The following GLIS3 variants were observed in gnomAD, a reference collection of about 807,000 sequenced individuals.
GLIS3 encodes the protein GLIS family zinc finger 3, also known as zinc finger protein GLIS3.
GLIS3 carries 53 observed loss-of-function variants against 78.6 expected under a neutral mutation model. The ratio of observed to expected loss-of-function variants is 0.67; its 90% confidence interval spans 0.54 to 0.85. The LOEUF is 0.85. GLIS3 is among the 40% of genes least tolerant of loss of function. The probability of loss-of-function intolerance (pLI) is 0.00; values close to 1 mark genes in which losing one functional copy is unlikely to be tolerated. For missense variants in GLIS3, 1,703 were observed against 1,231.1 expected (o/e 1.38, Z -5.74); for synonymous variants, 684 against 509.9 (o/e 1.34, Z -4.60).
At chr9:3,911,975 C>A (rs909236951) in intron 6 of GLIS3, among the ~76,000 whole-genome samples, 7 of 151,978 alleles carry the variant, frequency 4.6e-5, no homozygotes, top group African/African-American at 1.7e-4. Flanking sequence ...CATAGTGTGG[C>A]GACATGGCAA....
intron 4 of GLIS3, among the ~76,000 whole-genome samples, chr9:4,306,598 C>T (rs1817234457): frequency 1.3e-5 from 2 of 152,150 alleles, no homozygotes; most frequent in African/African-American, 2.4e-5. Flanking sequence ...GGATTTTTCT[C>T]ATTCCTAGAT....
intron 4 of GLIS3, among the ~76,000 whole-genome samples, chr9:4,032,091 C>A (rs1032539712): frequency 2.0e-5 from 3 of 152,138 alleles, no homozygotes; most frequent in Non-Finnish European, 1.5e-5. Flanking sequence ...CCCTGCAGAG[C>A]AAGGGACACC....
rs201634584 is a variant in GLIS3, at chr9:3,937,169, G to C, written c.1731C>G (p.Ala577=). 15 of 1,614,124 alleles carry C rather than the reference G, an allele frequency of 9.3e-6. No individual in the cohort carries two copies. The East Asian group carries it at 3.3e-4, about 36-fold the overall frequency. ...NKCTFEGCEK[A]FSRLENLKIH... Reference sequence around the variant, plus strand: ...TCTTGAGATTTTCAAGCCTTGAAAAGGCCTTCTCGCAACCTTCAAACTGCA... The same window carrying C: ...TCTTGAGATTTTCAAGCCTTGAAAACGCCTTCTCGCAACCTTCAAACTGCA... The change falls in exon 5 of 11, where the codon GCC becomes GCG. Residue 577 remains alanine (A), a synonymous_variant. Coordinates refer to ENST00000381971, the MANE Select transcript of GLIS3 (RefSeq NM_001042413.2).
At chr9:4,223,702 C>T (rs769963981) in intron 2 of GLIS3, among the ~76,000 whole-genome samples, 1 of 152,122 alleles carries the variant, frequency 6.6e-6, no homozygotes, top group Non-Finnish European at 1.5e-5. Flanking sequence ...GGCTTCTGGC[C>T]AATATTTTTA....
chr9:3,899,415 A>G (rs575944096), intron 6 of GLIS3, among the ~76,000 whole-genome samples: 3 of 126,602 alleles, frequency 2.4e-5, no homozygotes, highest in South Asian at 5.9e-4. Flanking sequence ...TATACATTAA[A>G]GAGTTACATG....
intron 2 of GLIS3, among the ~76,000 whole-genome samples, chr9:4,161,564 A>T (rs1435748772): frequency 6.6e-6 from 1 of 152,022 alleles, no homozygotes; most frequent in African/African-American, 2.4e-5. Flanking sequence ...TAAGAAGCAG[A>T]TACTTCACTT....
intron 4 of GLIS3, among the ~76,000 whole-genome samples, chr9:4,020,528 T>G (rs1822802000): frequency 6.6e-6 from 1 of 152,194 alleles, no homozygotes; most frequent in South Asian, 2.1e-4. Context: ...GATGTGTTTT[T>G]CATCCTTTCA....
chr9:3,924,888 A>C (rs1328738085), intron 6 of GLIS3, among the ~76,000 whole-genome samples: 5 of 152,182 alleles, frequency 3.3e-5, no homozygotes, highest in Admixed American at 1.3e-4. Flanking sequence ...AGGGAATAAG[A>C]AGCTTAGAAG....
chr9:3,953,582 A>G (rs1417326965), intron 4 of GLIS3, among the ~76,000 whole-genome samples: 1 of 152,160 alleles, frequency 6.6e-6, no homozygotes, highest in Non-Finnish European at 1.5e-5. Flanking sequence ...ATATCTGAAT[A>G]TTTCTTTGTA....
chr9:4,418,996 A>G, the GLIS3 span, among the ~76,000 whole-genome samples: 2 of 152,212 alleles, frequency 1.3e-5, no homozygotes, highest in South Asian at 4.1e-4. Context: ...GAATTGCTGA[A>G]TCTTTTGGAA....
intron 2 of GLIS3, among the ~76,000 whole-genome samples, chr9:4,127,213 T>TA (rs1475439324): frequency 6.6e-6 from 1 of 152,152 alleles, no homozygotes; most frequent in East Asian, 1.9e-4. Context: ...ATCCAAGTGG[T>TA]AATTGACCTG....
At chr9:4,433,474 G>A in the GLIS3 span, among the ~76,000 whole-genome samples, 1 of 152,096 alleles carries the variant, frequency 6.6e-6, no homozygotes, top group Non-Finnish European at 1.5e-5. Context: ...AGCTTTCATA[G>A]GAGAAGTTTC....
intron 2 of GLIS3, among the ~76,000 whole-genome samples, chr9:4,241,084 C>T (rs1374938460): frequency 6.6e-6 from 1 of 152,138 alleles, no homozygotes; most frequent in Non-Finnish European, 1.5e-5. Context: ...CCCAACTGGA[C>T]AAACCACCTT....
At chr9:3,928,697 T>G (rs994165938) in intron 6 of GLIS3, among the ~76,000 whole-genome samples, 3 of 152,230 alleles carry the variant, frequency 2.0e-5, no homozygotes, top group African/African-American at 7.2e-5. Context: ...TAAATGTGTG[T>G]TGCATTCGCG....
At chr9:3,994,306 A>G (rs888082444) in intron 4 of GLIS3, among the ~76,000 whole-genome samples, 4 of 152,232 alleles carry the variant, frequency 2.6e-5, no homozygotes, top group Non-Finnish European at 5.9e-5. Flanking sequence ...TTCACAGTAC[A>G]GCCCATGGCC....
chr9:4,361,866 G>C, the GLIS3 span, among the ~76,000 whole-genome samples: 2 of 152,194 alleles, frequency 1.3e-5, no homozygotes, highest in Non-Finnish European at 2.9e-5. Flanking sequence ...CAATGGTAAA[G>C]GGAGGGACCT....
chr9:4,118,302 G>T lies in GLIS3; in HGVS notation c.1176C>A (p.His392Gln), dbSNP rs747717621. Residue 392 changes from histidine to glutamine, a missense_variant, in exon 4 of 11, where the codon CAC (histidine) becomes CAA (glutamine). Physicochemically the swap from His to Gln is conservative, Grantham distance 24. Transcript: ENST00000381971. The surrounding 1 kb of genome is among the most constrained non-coding windows in gnomAD (Gnocchi z 4.7). ...PAYGEDGALE[H>Q]ERMQQLEHGG... ...CGTGCTCCAGCTGTTGCATGCGCTC[G>T]TGCTCCAGGGCCCCGTCCTCGCCGT... is the stretch of plus-strand genomic sequence containing the variant. 3 of 1,578,214 alleles carry T rather than the reference G, an allele frequency of 1.9e-6. No individual in the cohort carries two copies. The South Asian group carries it at 3.4e-5, about 18-fold the overall frequency.
the GLIS3 span, among the ~76,000 whole-genome samples, chr9:4,387,124 C>G: frequency 6.6e-6 from 1 of 152,152 alleles, no homozygotes; most frequent in Non-Finnish European, 1.5e-5. Context: ...GGAGCGGATA[C>G]CTACGCTGTC....
At chr9:3,918,168 C>G (rs1563848245) in intron 6 of GLIS3, among the ~76,000 whole-genome samples, 1 of 152,156 alleles carries the variant, frequency 6.6e-6, no homozygotes, top group Admixed American at 6.5e-5. Flanking sequence ...TCAGTCTTTT[C>G]TTTTGGAAAC....
Sources: allele counts gnomAD v4.1 joint callset (sites outside exome capture counted in the v4.1 genomes callset), GRCh38; gene constraint gnomAD v4.1.1; non-coding constraint Gnocchi (gnomAD v3.1); transcripts MANE v1.5; gene names NCBI Gene and HGNC (gene_info 2026-07-23, HGNC 2026-07-21).